MSANTD4: variants seen among roughly 807,000 people sequenced by gnomAD.
MSANTD4 encodes the protein Myb/SANT DNA binding domain containing 4 with coiled-coils, also known as myb/SANT-like DNA-binding domain-containing protein 4.
Under a neutral mutation model 34.3 loss-of-function variants are expected in MSANTD4, and 13 were observed. That is an observed-to-expected ratio of 0.38 (90% CI 0.25 to 0.60). The LOEUF (loss-of-function observed/expected upper bound fraction) is 0.60, where lower values mean the gene tolerates loss of function less well. MSANTD4 is among the 20% of genes least tolerant of loss of function. The pLI is 0.63. For synonymous variants in MSANTD4, 137 were observed against 145.2 expected (o/e 0.94, Z 0.41); for missense variants, 358 against 401.8 (o/e 0.89, Z 0.93).
rs2134933129 is a variant in MSANTD4 at position 106,010,083 on chromosome 11, A to G, written c.490T>C (p.Leu164=). 2 of 1,575,882 alleles carry G rather than the reference A, an allele frequency of 1.3e-6. No individual in the cohort carries two copies. Among genetic ancestry groups the G allele is most frequent in the East Asian group, 2.2e-5 (1 of 44,542 alleles). The change falls in exon 3 of 3, where the codon TTG becomes CTG. Residue 164 remains leucine (L), a synonymous_variant. Coordinates refer to ENST00000301919, the MANE Select transcript of MSANTD4 (RefSeq NM_032424.3). ...EFEIEEEEEM[L]SSVIPDSRRE... is the part of the protein sequence containing the mutation. ...CTGGAATCTGGTATGACGGATGACA[A>G]CATTTCTTCCTCCTCCTCAATTTCA... is the stretch of plus-strand genomic sequence containing the variant.
intron 2 of MSANTD4, 28 bp from the exon 3 acceptor site, chr11:106,010,138 A>G: frequency 6.6e-7 from 1 of 1,512,086 alleles, no homozygotes; most frequent in Non-Finnish European, 8.8e-7. Flanking sequence ...AGCAATTTTC[A>G]GTATTGACTT....
rs1362511768 is a variant in MSANTD4 at position 106,008,677 on chromosome 11, C to T, written c.*858G>A. 1 of 152,142 alleles carries T rather than the reference C, an allele frequency of 6.6e-6. No individual in the cohort carries two copies. Among genetic ancestry groups the T allele is most frequent in the African/African-American group, 2.4e-5 (1 of 41,434 alleles). The allele number at this position is 152,142 out of a possible 1,614,324, so 9.4% of individuals were successfully genotyped here. A position where few individuals can be genotyped will look rare whatever the true frequency, so the allele number is the denominator to read the frequency against. ...ACTATTCACTTATAAGATTTCAGTA[C>T]ATTACTGAAATGACATTTTTGTACC... is the stretch of plus-strand genomic sequence containing the variant. On this transcript the variant is annotated 3_prime_UTR_variant, in exon 3 of 3. Coordinates refer to ENST00000301919, the MANE Select transcript of MSANTD4 (RefSeq NM_032424.3).
At position 106,010,441 on chromosome 11, in the gene MSANTD4, G is replaced by A; in HGVS notation, c.462+15C>T. On this transcript the variant is annotated intron_variant, in intron 2 of 2. Transcript: ENST00000301919. ...ATTGAAAAGATTAAAAGAGGGTACAGAGGCTAATACTTACTTCAGGACTCT... is the reference window on the plus strand; with the variant it reads ...ATTGAAAAGATTAAAAGAGGGTACAAAGGCTAATACTTACTTCAGGACTCT... The A allele has an allele frequency of 6.3e-7, 1 of 1,594,378 alleles. No homozygotes were observed. The highest frequency in any genetic ancestry group is 1.1e-5 in the South Asian group (1 of 88,068).
intron 1 of MSANTD4, among the ~76,000 whole-genome samples, chr11:106,020,480 A>T (rs955033737): frequency 2.0e-5 from 3 of 152,246 alleles, no homozygotes; most frequent in Non-Finnish European, 4.4e-5. Flanking sequence ...AGTATATAAT[A>T]AAAATGATTG....
chr11:106,019,958 G>T (rs1295736486), intron 1 of MSANTD4, among the ~76,000 whole-genome samples: 1 of 152,148 alleles, frequency 6.6e-6, no homozygotes. Context: ...TAATACTCGT[G>T]ATGTTTTGAA....
chr11:106,012,988 A>G (rs1164521407), intron 1 of MSANTD4, among the ~76,000 whole-genome samples: 1 of 152,212 alleles, frequency 6.6e-6, no homozygotes, highest in African/African-American at 2.4e-5. Context: ...CGATTGTCTC[A>G]TAGCGGCAGA....
chr11:106,016,400 G>A (rs924220196), intron 1 of MSANTD4, among the ~76,000 whole-genome samples: 2 of 152,202 alleles, frequency 1.3e-5, no homozygotes, highest in African/African-American at 4.8e-5. Context: ...TGCAGGACAA[G>A]TGAAAGAATT....
chr11:106,009,994 T>C lies in MSANTD4; in HGVS notation c.579A>G (p.Pro193=), dbSNP rs746214719. The C allele has an allele frequency of 6.2e-7, 1 of 1,609,110 alleles. No homozygotes were observed. Among genetic ancestry groups the C allele is most frequent in the South Asian group, 1.1e-5 (1 of 91,054 alleles). The change falls in exon 3 of 3, where the codon CCA becomes CCG. Residue 193 remains proline, a synonymous_variant. Coordinates refer to ENST00000301919, the MANE Select transcript of MSANTD4 (RefSeq NM_032424.3). ...GAGGCTCATCATATGCAGATCTAGATGGTGTTGAGTTAAGGGTAAAAAACT... is the reference window on the plus strand; with the variant it reads ...GAGGCTCATCATATGCAGATCTAGACGGTGTTGAGTTAAGGGTAAAAAACT... The part of the protein sequence containing the change: ...IDEFFTLNST[P]SRSAYDEPHL...
In MSANTD4 at chr11:106,009,707, T is replaced by C; in HGVS notation, c.866A>G (p.Gln289Arg). 2 of 1,614,236 alleles carry C rather than the reference T, an allele frequency of 1.2e-6. No homozygotes were observed. The highest frequency in any genetic ancestry group is 1.6e-4 in the Middle Eastern group (1 of 6,062). Residue 289 changes from glutamine (Q) to arginine (R), a missense_variant, in exon 3 of 3, where the codon CAA becomes CGA. Physicochemically the swap from Gln to Arg is conservative, Grantham distance 43 (BLOSUM62 1). Around this residue, in one of 2 missense-constraint regions of MSANTD4, gnomAD observed 312 missense variants for 317.6 expected, o/e 0.98. Coordinates refer to ENST00000301919, the MANE Select transcript of MSANTD4 (RefSeq NM_032424.3). ...ELGQGEKSML[Q>R]PQDIETEKLK... ...CTTCTCTGTTTCTATGTCCTGTGGT[T>C]GAAGCATGGATTTTTCTCCTTGACC...
At chr11:106,012,333 C>A (rs1327385389) in intron 1 of MSANTD4, among the ~76,000 whole-genome samples, 2 of 152,140 alleles carry the variant, frequency 1.3e-5, no homozygotes, top group African/African-American at 4.8e-5. Context: ...TCAAACAAAA[C>A]CAGGCTGGAC....
rs1432469770 is a variant in MSANTD4, at chr11:106,021,533, T to G, written c.-722A>C. 1 of 152,182 alleles carries G rather than the reference T, an allele frequency of 6.6e-6. No homozygotes were observed. Among genetic ancestry groups the G allele is most frequent in the African/African-American group, 2.4e-5 (1 of 41,440 alleles). 9.4% of individuals were successfully genotyped at this position (152,182 alleles called of 1,614,324 possible). On this transcript the variant is annotated 5_prime_UTR_variant, in exon 1 of 3. Coordinates refer to ENST00000301919, the MANE Select transcript of MSANTD4 (RefSeq NM_032424.3). ...CAAAAAAATTTGAGGGTAAATTAGT[T>G]AAGCAGTTCAAGAAGAAAAGCATCA... is the stretch of plus-strand genomic sequence containing the variant.
At chr11:106,019,689 C>A (rs1859971620) in intron 1 of MSANTD4, among the ~76,000 whole-genome samples, 1 of 152,140 alleles carries the variant, frequency 6.6e-6, no homozygotes, top group Non-Finnish European at 1.5e-5. Context: ...TTTATTACAC[C>A]ACTGATTTAC....
At chr11:106,016,601 CAG>C (rs1362517853) in intron 1 of MSANTD4, among the ~76,000 whole-genome samples, 1 of 152,082 alleles carries the variant, frequency 6.6e-6, no homozygotes, top group African/African-American at 2.4e-5. Context: ...GAAAGAGAAA[CAG>C]AAACTAATTC....
chr11:106,019,639 C>T (rs1859969612), intron 1 of MSANTD4, among the ~76,000 whole-genome samples: 1 of 152,200 alleles, frequency 6.6e-6, no homozygotes, highest in Non-Finnish European at 1.5e-5. Flanking sequence ...TTCCCATTCA[C>T]CTAAGTCTGA....
intron 1 of MSANTD4, among the ~76,000 whole-genome samples, chr11:106,016,367 T>A (rs911792463): frequency 1.3e-5 from 2 of 152,192 alleles, no homozygotes; most frequent in African/African-American, 4.8e-5. Context: ...AGCCCCAATA[T>A]GCTGCTTCTT....
intron 2 of MSANTD4, 142 bp downstream of exon 2, chr11:106,010,314 G>A: frequency 7.4e-7 from 1 of 1,353,272 alleles, no homozygotes; most frequent in Non-Finnish European, 9.8e-7. Context: ...TATTAACGAT[G>A]TAAAGAGAAA....
intron 2 of MSANTD4, 36 bp from the exon 3 acceptor site, chr11:106,010,146 C>T (rs373330381): frequency 6.0e-6 from 9 of 1,492,984 alleles, no homozygotes; most frequent in Non-Finnish European, 8.0e-6. Flanking sequence ...TCAGTATTGA[C>T]TTCTACTTTG....
In MSANTD4 at chr11:106,008,061, G is replaced by A. The variant is rs569141136; in HGVS notation, c.*1474C>T. 62 of 152,570 alleles carry A rather than the reference G, an allele frequency of 4.1e-4. No individual in the cohort carries two copies. Among genetic ancestry groups the A allele is most frequent in the Non-Finnish European group, 7.1e-4 (48 of 68,026 alleles). The allele number at this position is 152,570 out of a possible 1,614,324, so 9.5% of individuals were successfully genotyped here. On this transcript the variant is annotated 3_prime_UTR_variant, in exon 3 of 3. Transcript: ENST00000301919. ...ACACAGTTTCCAGCCATTCTTACAA[G>A]GAACAAATGCAAAATTAAAGTAATA...
rs1295980265 is a variant in MSANTD4, at chr11:106,010,640, C to T, written c.278G>A (p.Gly93Asp). Residue 93 changes from glycine to aspartate, a missense_variant, in exon 2 of 3, where the codon GGT becomes GAT. Around this residue, in one of 2 missense-constraint regions of MSANTD4, gnomAD observed 312 missense variants for 317.6 expected, o/e 0.98. Coordinates refer to ENST00000301919, the MANE Select transcript of MSANTD4 (RefSeq NM_032424.3). ...KRMKANIKLVGSGFPLPSSDL... is the reference protein window; with the variant it reads ...KRMKANIKLVDSGFPLPSSDL... ...AGAGGAGGGAAGGGGAAATCCTGAACCAACCAGCTTAATGTTGGCCTTCAT... is the reference window on the plus strand; with the variant it reads ...AGAGGAGGGAAGGGGAAATCCTGAATCAACCAGCTTAATGTTGGCCTTCAT... 6.2e-7 allele frequency: 1 copy of T among 1,614,024 alleles called. No individual in the cohort carries two copies. Among genetic ancestry groups the T allele is most frequent in the African/African-American group, 1.3e-5 (1 of 74,924 alleles).
Sources: gnomAD v4.1 joint callset for allele counts (sites outside exome capture counted in the v4.1 genomes callset) on GRCh38, gnomAD v4.1.1 for gene constraint, gnomAD v4.1.1 regional missense constraint, MANE v1.5 for transcripts, NCBI Gene and HGNC (gene_info 2026-07-23, HGNC 2026-07-21) for gene names.